Variants in CDKN2A observed in about 807,000 individuals in gnomAD.
CDKN2A encodes the protein cyclin-dependent kinase inhibitor 2A.
Under a neutral mutation model 11.1 loss-of-function variants are expected in CDKN2A, and 3 were observed. The ratio of observed to expected loss-of-function variants is 0.27; its 90% CI spans 0.12 to 0.70. The LOEUF (loss-of-function observed/expected upper bound fraction) is 0.70, where lower values mean the gene tolerates loss of function less well. Ranked by LOEUF, CDKN2A falls within the 30% of genes least tolerant of loss-of-function variation. CDKN2A has a pLI of 0.77. For synonymous variants in CDKN2A, 122 were observed against 108.1 expected, an observed-to-expected ratio of 1.13 and a Z score of -0.80; for missense variants, 265 against 233.6, an observed-to-expected ratio of 1.13 and a Z score of -0.88.
intron 1 of CDKN2A, among the ~76,000 whole-genome samples, chr9:21,972,449 A>G (rs1298716964): frequency 6.6e-6 from 1 of 152,236 alleles, no homozygotes; most frequent in African/African-American, 2.4e-5. Context: ...CACAGGCCAC[A>G]GAGAAAATAC....
chr9:21,975,207 C>T (rs968787931), upstream of CDKN2A: 32 of 1,085,374 alleles, frequency 2.9e-5, no homozygotes, highest in South Asian at 4.0e-5. Flanking sequence ...TCCGGCCTCC[C>T]TGCTCCCAGC....
At position 21,974,729 on chromosome 9, in the gene CDKN2A, C is replaced by T. The variant is rs2131112675; in HGVS notation, c.99G>A (p.Glu33=). The change falls in exon 1 of 3, where the codon GAG becomes GAA. Residue 33 remains glutamate (E), a synonymous_variant. Coordinates refer to ENST00000304494, the MANE Select transcript of CDKN2A (RefSeq NM_000077.5). This position sits in a 1 kb window ranked among gnomAD's most constrained non-coding sequence, Gnocchi z 5.2. ...TCGGTGCGTTGGGCAGCGCCCCCGCCTCCAGCAGCGCCCGCACCTCCTCTA... is the reference window on the plus strand; with the variant it reads ...TCGGTGCGTTGGGCAGCGCCCCCGCTTCCAGCAGCGCCCGCACCTCCTCTA... The part of the protein sequence containing the change: ...GRVEEVRALL[E]AGALPNAPNS... The T allele has an allele frequency of 6.2e-7, 1 of 1,612,994 alleles. No individual in the cohort carries two copies. The highest frequency in any genetic ancestry group is 2.2e-5 in the East Asian group (1 of 44,864).
chr9:21,980,120 C>G (rs1358422348), intron 2 of CDKN2A, among the ~76,000 whole-genome samples: 1 of 152,110 alleles, frequency 6.6e-6, no homozygotes, highest in East Asian at 1.9e-4. Flanking sequence ...AGTGACAGTT[C>G]TCATGTATCT....
rs779168896 is a variant in CDKN2A at position 21,994,377 on chromosome 9, C to T, written c.-175-324G>A. On this transcript the variant is annotated intron_variant, in intron 1 of 3. Transcript: ENST00000494262. Reference sequence around the variant, plus strand: ...CGAGCTCGGCAGCCGCTGCGCCGCCCTTTGGCACCAGAGGTGAGCAGCGCC... The same window carrying T: ...CGAGCTCGGCAGCCGCTGCGCCGCCTTTTGGCACCAGAGGTGAGCAGCGCC... 14 of 1,607,958 alleles carry T rather than the reference C, an allele frequency of 8.7e-6. No homozygotes were observed. Among genetic ancestry groups the T allele is most frequent in the Non-Finnish European group, 1.2e-5 (14 of 1,178,948 alleles).
At chr9:21,976,378 C>CAA (rs71336505), upstream of CDKN2A, among the ~76,000 whole-genome samples, 2,694 of 124,144 alleles carry the variant, frequency 0.022, 46 homozygotes, top group Middle Eastern at 0.052. Flanking sequence ...GACTCCGACT[C>CAA]AAAAAAAAAA....
In CDKN2A at chr9:21,992,478, T is replaced by C. The variant is rs191336901; in HGVS notation, c.-4+1404A>G. On this transcript the variant is annotated intron_variant, in intron 2 of 3. Transcript: ENST00000494262. Reference sequence around the variant, plus strand: ...CACATACGTCCTGAAAATTGATTTATACCTAAATAACAAAAAATGATCTAT... The same window carrying C: ...CACATACGTCCTGAAAATTGATTTACACCTAAATAACAAAAAATGATCTAT... The C allele has an allele frequency of 6.6e-6, 6 of 902,790 alleles. No homozygotes were observed. The Admixed American group carries it at 3.1e-4, about 46-fold the overall frequency. The allele number at this position is 902,790 out of a possible 1,614,324, so 55.9% of individuals were successfully genotyped here.
chr9:21,980,228 C>T (rs983742608), intron 2 of CDKN2A, among the ~76,000 whole-genome samples: 2 of 152,116 alleles, frequency 1.3e-5, no homozygotes, highest in Non-Finnish European at 2.9e-5. Context: ...ATTGTTTACG[C>T]TTGAGGTGAG....
chr9:21,979,776 T>C (rs1043699648), upstream of CDKN2A, among the ~76,000 whole-genome samples: 6 of 152,160 alleles, frequency 3.9e-5, no homozygotes, highest in Admixed American at 3.9e-4. Context: ...TGTTTTGTTC[T>C]TTAAAACCAG....
intron 1 of CDKN2A, among the ~76,000 whole-genome samples, chr9:21,972,430 G>A (rs747051513): frequency 1.3e-5 from 2 of 152,116 alleles, no homozygotes; most frequent in Non-Finnish European, 2.9e-5. Context: ...GAAGATACAA[G>A]AATGGAAGCA....
In CDKN2A at chr9:21,974,176, G is replaced by C. The variant is rs1391567219; in HGVS notation, c.150+502C>G. On this transcript the variant is annotated intron_variant, in intron 1 of 2. Coordinates refer to ENST00000304494, the MANE Select transcript of CDKN2A (RefSeq NM_000077.5). This position sits in a 1 kb window ranked among gnomAD's most constrained non-coding sequence, Gnocchi z 5.2. ...AAAGTGAAGGGATTACAAGGCGTGA[G>C]GCACCGCGCCCGGCCGCTTCTGAAT... Among the ~76,000 whole-genome samples, 2 of 152,182 alleles carry C rather than the reference G, an allele frequency of 1.3e-5. No homozygotes were observed. The highest frequency in any genetic ancestry group is 1.3e-4 in the Admixed American group (2 of 15,280).
At position 21,974,146 on chromosome 9, in the gene CDKN2A, C is replaced by T. The variant is rs562858794; in HGVS notation, c.150+532G>A. ...CTCAGGTGATTCCCCCCGCCTTGAT[C>T]TCCCAAAGTGAAGGGATTACAAGGC... On this transcript the variant is annotated intron_variant, in intron 1 of 2. Coordinates refer to ENST00000304494, the MANE Select transcript of CDKN2A (RefSeq NM_000077.5). The surrounding 1 kb of genome is among the most constrained non-coding windows in gnomAD (Gnocchi z 5.2). 2.0e-5 allele frequency among the ~76,000 whole-genome samples: 3 copies of T among 152,322 alleles called. No homozygotes were observed. The highest frequency in any genetic ancestry group is 4.1e-4 in the South Asian group (2 of 4,828).
In CDKN2A at chr9:21,970,930, G is replaced by T. The variant is rs1060504183; in HGVS notation, c.429C>A (p.Ala143=). The change falls in exon 2 of 3, where the codon GCC becomes GCA. Residue 143 remains alanine, a synonymous_variant. Transcript: ENST00000304494. Reference sequence around the variant, plus strand: ...AGGGACCTTCCGCGGCATCTATGCGGGCATGGTTACTGCCTCTGGTGCCCC... The same window carrying T: ...AGGGACCTTCCGCGGCATCTATGCGTGCATGGTTACTGCCTCTGGTGCCCC... ...AAGGTRGSNH[A]RIDAAEGPSD... The T allele has an allele frequency of 6.2e-7, 1 of 1,612,478 alleles. No individual in the cohort carries two copies. The highest frequency in any genetic ancestry group is 2.2e-5 in the East Asian group (1 of 44,882).
intron 2 of CDKN2A, chr9:21,969,599 C>A: frequency 2.5e-6 from 1 of 396,286 alleles, no homozygotes; most frequent in South Asian, 1.4e-4. Flanking sequence ...GGTTAAGAGT[C>A]GTTCAGTTTA....
intron 1 of CDKN2A, chr9:21,994,789 C>T (rs1026629086): frequency 1.6e-5 from 3 of 188,008 alleles, no homozygotes; most frequent in African/African-American, 4.7e-5. Flanking sequence ...AGCTCGCCCC[C>T]TAGCTACATC....
At chr9:21,972,077 AT>A (rs1819792265) in intron 1 of CDKN2A, among the ~76,000 whole-genome samples, 1 of 150,946 alleles carries the variant, frequency 6.6e-6, no homozygotes, top group Non-Finnish European at 1.5e-5. Context: ...ATTGTTTTAT[AT>A]TTCACAGATA....
upstream of CDKN2A, among the ~76,000 whole-genome samples, chr9:21,979,225 T>C (rs186407009): frequency 8.9e-4 from 136 of 152,292 alleles, no homozygotes; most frequent in African/African-American, 3.1e-3. Flanking sequence ...GACTTATTCC[T>C]GAAAACCAGC....
At chr9:21,984,884 C>T (rs1820268743) in intron 2 of CDKN2A, among the ~76,000 whole-genome samples, 4 of 151,914 alleles carry the variant, frequency 2.6e-5, no homozygotes, top group Admixed American at 2.6e-4. Flanking sequence ...CTTTCCTGAA[C>T]TTAGGAGAGT....
chr9:21,975,169 T>A, upstream of CDKN2A: 1 of 1,147,798 alleles, frequency 8.7e-7, no homozygotes, highest in East Asian at 4.5e-5. Flanking sequence ...AGGACTGGGC[T>A]CCTCCCCACC....
At position 21,974,568 on chromosome 9, in the gene CDKN2A, C is replaced by G. The variant is rs779087809; in HGVS notation, c.150+110G>C. On this transcript the variant is annotated intron_variant, in intron 1 of 2. Coordinates refer to ENST00000304494, the MANE Select transcript of CDKN2A (RefSeq NM_000077.5). The surrounding 1 kb of genome is among the most constrained non-coding windows in gnomAD (Gnocchi z 5.2). ...CCCTTCTGAAAACTCCCCAGGAAGC[C>G]TCCCCTTTTTCCGGAGAATCGAAGC... The G allele has an allele frequency of 2.5e-6, 4 of 1,613,704 alleles. No homozygotes were observed. In the South Asian group the frequency reaches 4.4e-5, roughly 18 times the overall value.
Sources: allele counts gnomAD v4.1 joint callset (sites outside exome capture counted in the v4.1 genomes callset), GRCh38; gene constraint gnomAD v4.1.1; non-coding constraint Gnocchi (gnomAD v3.1); transcripts MANE v1.5; gene names NCBI Gene and HGNC (gene_info 2026-07-23, HGNC 2026-07-21).